The following SND1 variants were observed in gnomAD, a reference collection of about 807,000 sequenced individuals.
The protein encoded by SND1 is staphylococcal nuclease domain-containing protein 1.
Under a neutral mutation model 121.7 loss-of-function variants are expected in SND1, and 38 were observed. The ratio of observed to expected loss-of-function variants is 0.31; its 90% CI spans 0.24 to 0.41. The LOEUF (loss-of-function observed/expected upper bound fraction) is 0.41, where lower values mean the gene tolerates loss of function less well. Among genes scored for constraint, SND1 ranks in the 10% least tolerant of loss-of-function variants. The pLI, the probability that SND1 is intolerant of heterozygous loss-of-function variation, is 1.00. For synonymous variants in SND1, 401 were observed against 447.4 expected (o/e 0.90, Z 1.31); for missense variants, 868 against 1,184.6 (o/e 0.73, Z 3.92).
Position 127,844,341 on chromosome 7 carries a change from C to T in SND1, c.1260C>T (p.Asp420=), listed in dbSNP as rs948313262. The change falls in exon 12 of 24, where the codon GAC becomes GAT. Residue 420 remains aspartate (D), a synonymous_variant. Transcript: ENST00000354725. ...GTTTCCAGGTCAATGTGACGGTGGA[C>T]TACATTAGACCAGCCAGCCCAGCCA... ...LIGKKVNVTV[D]YIRPASPATE... 21 of 1,613,036 alleles carry T rather than the reference C, an allele frequency of 1.3e-5. No homozygotes were observed. The highest frequency in any genetic ancestry group is 1.8e-5 in the Non-Finnish European group (21 of 1,179,484).
intron 16 of SND1, among the ~76,000 whole-genome samples, chr7:128,062,960 C>A (rs1448740482): frequency 6.6e-6 from 1 of 152,226 alleles, no homozygotes; most frequent in Admixed American, 6.5e-5. Context: ...AGCCCGTGTA[C>A]TTAGATGCTT....
chr7:127,666,435 T>A (rs1325223781), intron 1 of SND1, among the ~76,000 whole-genome samples: 5 of 152,176 alleles, frequency 3.3e-5, no homozygotes, highest in African/African-American at 1.2e-4. Context: ...GAAAAGGGCC[T>A]CAGAAAATTG....
chr7:127,915,071 G>A (rs1333334381), intron 14 of SND1, among the ~76,000 whole-genome samples: 1 of 152,112 alleles, frequency 6.6e-6, no homozygotes, highest in Non-Finnish European at 1.5e-5. Flanking sequence ...AGGCTGGAGT[G>A]CAGTGGCGCA....
intron 1 of SND1, among the ~76,000 whole-genome samples, chr7:127,676,760 A>G (rs536437813): frequency 9.9e-5 from 15 of 152,278 alleles, no homozygotes; most frequent in African/African-American, 3.6e-4. Context: ...TTTATTTTTG[A>G]TACGCAGTTT....
intron 15 of SND1, among the ~76,000 whole-genome samples, chr7:127,969,223 G>A (rs541684490): frequency 3.9e-5 from 6 of 152,210 alleles, no homozygotes; most frequent in African/African-American, 1.4e-4. Context: ...GTCATTACGG[G>A]TGCCTTGAAC....
At chr7:128,023,056 C>G (rs1313657404) in intron 16 of SND1, among the ~76,000 whole-genome samples, 1 of 152,188 alleles carries the variant, frequency 6.6e-6, no homozygotes, top group Non-Finnish European at 1.5e-5. Flanking sequence ...CACTAACAGT[C>G]CTCCCCCATC....
intron 1 of SND1, among the ~76,000 whole-genome samples, chr7:127,657,448 C>T (rs2116224324): frequency 6.6e-6 from 1 of 152,296 alleles, no homozygotes; most frequent in East Asian, 1.9e-4. Flanking sequence ...GCCGAGGAAA[C>T]AGCAAATGCA....
chr7:127,910,680 G>C (rs1306615507), intron 14 of SND1, among the ~76,000 whole-genome samples: 2 of 152,146 alleles, frequency 1.3e-5, no homozygotes, highest in African/African-American at 4.8e-5. Flanking sequence ...TGGCACAAAT[G>C]CTCTCTGAGT....
At chr7:127,898,518 T>C (rs1217283414) in intron 13 of SND1, among the ~76,000 whole-genome samples, 1 of 152,160 alleles carries the variant, frequency 6.6e-6, no homozygotes, top group African/African-American at 2.4e-5. Flanking sequence ...GAAGGAATTG[T>C]TTATTGCTAC....
chr7:128,085,707 G>A lies in SND1; in HGVS notation c.2235-4G>A. On this transcript the variant is annotated splice_polypyrimidine_tract_variant and splice_region_variant and intron_variant, in intron 19 of 23. Transcript: ENST00000354725. The surrounding 1 kb of genome is among the most constrained non-coding windows in gnomAD (Gnocchi z 4.4). ...CTTGAGCTCTGCCCATGATGCCATT[G>A]CAGGTACCGTGCCCGAGTAGAGAAA... is the stretch of plus-strand genomic sequence containing the variant. The A allele has an allele frequency of 6.2e-7, 1 of 1,613,986 alleles. No individual in the cohort carries two copies. Among genetic ancestry groups the A allele is most frequent in the African/African-American group, 1.3e-5 (1 of 75,044 alleles).
chr7:127,913,335 AATGCACTCAGC>A (rs1402413840), intron 14 of SND1, among the ~76,000 whole-genome samples: 1 of 152,166 alleles, frequency 6.6e-6, no homozygotes, highest in Non-Finnish European at 1.5e-5. Context: ...AGTGCATGCA[AATGCACTCAGC>A]ATTTGCAACA....
chr7:127,894,364 G>T (rs1800076231), intron 13 of SND1, among the ~76,000 whole-genome samples: 1 of 150,582 alleles, frequency 6.6e-6, no homozygotes, highest in Non-Finnish European at 1.5e-5. Context: ...TCAATAAATG[G>T]AAAAAGTAAT....
intron 16 of SND1, among the ~76,000 whole-genome samples, chr7:128,044,608 C>T (rs933818177): frequency 1.4e-5 from 2 of 147,450 alleles, no homozygotes; most frequent in Non-Finnish European, 3.0e-5. Context: ...AGCTCATCTT[C>T]TTCCCCCCTC....
At chr7:127,692,814 C>T (rs1034005686) in intron 2 of SND1, among the ~76,000 whole-genome samples, 1 of 152,206 alleles carries the variant, frequency 6.6e-6, no homozygotes, top group African/African-American at 2.4e-5. Flanking sequence ...GTGGTTTTCT[C>T]TTATTGACCG....
chr7:127,936,379 C>T (rs1307229570), intron 15 of SND1, among the ~76,000 whole-genome samples: 2 of 152,304 alleles, frequency 1.3e-5, no homozygotes, highest in East Asian at 1.9e-4. Context: ...GTGAGCCCCA[C>T]ACGTTTCCTT....
At chr7:127,652,605 A>G (rs1795141679) in intron 1 of SND1, among the ~76,000 whole-genome samples, 154 bp downstream of exon 1, 1 of 152,108 alleles carries the variant, frequency 6.6e-6, no homozygotes, top group Non-Finnish European at 1.5e-5. Flanking sequence ...CTCTCACTAG[A>G]CGGAAGCAGA....
intron 16 of SND1, among the ~76,000 whole-genome samples, chr7:128,010,918 TCTAA>T (rs1803101356): frequency 1.3e-5 from 2 of 152,186 alleles, no homozygotes; most frequent in Admixed American, 1.3e-4. Context: ...CTGTAGCATC[TCTAA>T]CTGAGGAGCT....
At chr7:127,857,182 A>ATT (rs1799291338) in intron 12 of SND1, among the ~76,000 whole-genome samples, 7 of 88,222 alleles carry the variant, frequency 7.9e-5, no homozygotes, top group Non-Finnish European at 1.5e-4. Context: ...AAATGTCAAC[A>ATT]CTTTTTTTTT....
At chr7:127,832,742 C>T (rs768205321) in intron 11 of SND1, among the ~76,000 whole-genome samples, 71 of 152,300 alleles carry the variant, frequency 4.7e-4, no homozygotes, top group Middle Eastern at 3.4e-3. Flanking sequence ...CCCCGGACTG[C>T]GGACCGGTAC....
Sources: allele counts gnomAD v4.1 joint callset (sites outside exome capture counted in the v4.1 genomes callset), GRCh38; gene constraint gnomAD v4.1.1; non-coding constraint Gnocchi (gnomAD v3.1); transcripts MANE v1.5; gene names NCBI Gene and HGNC (gene_info 2026-07-23, HGNC 2026-07-21).